The following CACNA2D1 variants were observed in gnomAD, a reference collection of about 807,000 sequenced individuals.
The protein encoded by CACNA2D1 is calcium voltage-gated channel auxiliary subunit alpha2delta 1, also known as voltage-dependent calcium channel subunit alpha-2/delta-1.
A neutral mutation model predicts 171.5 loss-of-function variants in CACNA2D1; 53 were observed. The ratio of observed to expected loss-of-function variants is 0.31; its 90% CI spans 0.25 to 0.39. The LOEUF is 0.39. CACNA2D1 is among the 10% of genes least tolerant of loss of function. The pLI is 1.00. For missense variants in CACNA2D1, 903 were observed against 1,299.8 expected (o/e 0.69, Z 4.69); for synonymous variants, 442 against 443.1 (o/e 1.00, Z 0.03).
At chr7:82,217,247 G>A (rs1166113344) in intron 3 of CACNA2D1, among the ~76,000 whole-genome samples, 1 of 151,324 alleles carries the variant, frequency 6.6e-6, no homozygotes, top group Non-Finnish European at 1.5e-5. Context: ...ACAGTATCCT[G>A]AAGCTGTAAG....
At chr7:82,140,597 G>A (rs985785323) in intron 4 of CACNA2D1, among the ~76,000 whole-genome samples, 4 of 151,940 alleles carry the variant, frequency 2.6e-5, no homozygotes, top group African/African-American at 9.7e-5. Flanking sequence ...TATTCAAAGA[G>A]CACTTAATTT....
At chr7:82,118,127 G>A (rs879679818) in intron 5 of CACNA2D1, among the ~76,000 whole-genome samples, 7 of 152,120 alleles carry the variant, frequency 4.6e-5, no homozygotes, top group Admixed American at 4.6e-4. Flanking sequence ...CTTGAGGCAG[G>A]AATGAAGATC....
chr7:82,260,585 T>C (rs1806937990), intron 3 of CACNA2D1, among the ~76,000 whole-genome samples: 1 of 152,192 alleles, frequency 6.6e-6, no homozygotes, highest in Admixed American at 6.5e-5. Flanking sequence ...TGGTAAAATT[T>C]CAGTAAGAGT....
chr7:81,978,242 T>C (rs555140822), intron 24 of CACNA2D1, among the ~76,000 whole-genome samples: 1 of 152,176 alleles, frequency 6.6e-6, no homozygotes, highest in Non-Finnish European at 1.5e-5. Flanking sequence ...ACTGGGTATA[T>C]ACCCAAAGGA....
At chr7:82,336,266 C>T (rs1817986261) in intron 2 of CACNA2D1, among the ~76,000 whole-genome samples, 1 of 152,196 alleles carries the variant, frequency 6.6e-6, no homozygotes, top group African/African-American at 2.4e-5. Context: ...AGTATGATCC[C>T]AGCTGCGCAC....
intron 3 of CACNA2D1, among the ~76,000 whole-genome samples, chr7:82,233,595 A>G (rs1474568316): frequency 6.6e-6 from 1 of 152,142 alleles, no homozygotes; most frequent in Non-Finnish European, 1.5e-5. Context: ...GAAGTACACC[A>G]GATGAAAATA....
At chr7:81,951,970 T>TTG (rs1554321661) in intron 38 of CACNA2D1, among the ~76,000 whole-genome samples, 5 of 23,960 alleles carry the variant, frequency 2.1e-4, no homozygotes, top group African/African-American at 8.5e-4. Flanking sequence ...GTACAAAGTG[T>TTG]TTTTTTTTTT....
At chr7:82,225,860 T>C (rs1404997256) in intron 3 of CACNA2D1, among the ~76,000 whole-genome samples, 1 of 152,204 alleles carries the variant, frequency 6.6e-6, no homozygotes, top group African/African-American at 2.4e-5. Context: ...TGAATATCAA[T>C]GCATATTAAT....
chr7:82,207,780 C>A (rs950498684), intron 3 of CACNA2D1, among the ~76,000 whole-genome samples: 2 of 152,142 alleles, frequency 1.3e-5, no homozygotes, highest in Non-Finnish European at 2.9e-5. Flanking sequence ...GAAGCAACAA[C>A]AATATGCCCA....
chr7:82,215,583 G>A (rs1801016364), intron 3 of CACNA2D1, among the ~76,000 whole-genome samples: 1 of 152,162 alleles, frequency 6.6e-6, no homozygotes, highest in East Asian at 1.9e-4. Context: ...AAGCTCTAAT[G>A]TAGGTCATGT....
intron 1 of CACNA2D1, among the ~76,000 whole-genome samples, chr7:82,391,691 C>T (rs754932451): frequency 3.9e-5 from 6 of 151,990 alleles, no homozygotes; most frequent in African/African-American, 4.8e-5. Flanking sequence ...TCCCATGTGA[C>T]GGAATTTAAA....
At chr7:81,978,721 C>A in intron 24 of CACNA2D1, among the ~76,000 whole-genome samples, 1 of 145,884 alleles carries the variant, frequency 6.9e-6, no homozygotes, top group African/African-American at 2.6e-5. Context: ...CACATGTATC[C>A]CAGAAGTTAA....
intron 1 of CACNA2D1, among the ~76,000 whole-genome samples, chr7:82,382,395 C>T (rs1248729167): frequency 1.3e-5 from 2 of 152,162 alleles, no homozygotes; most frequent in Non-Finnish European, 1.5e-5. Context: ...TGAAGTCATT[C>T]CCAGATTAGT....
intron 1 of CACNA2D1, among the ~76,000 whole-genome samples, chr7:82,431,259 C>G (rs1430772718): frequency 2.6e-5 from 4 of 152,144 alleles, no homozygotes; most frequent in Non-Finnish European, 4.4e-5. Context: ...TATATTAGCA[C>G]AATAATCTAG....
intron 3 of CACNA2D1, among the ~76,000 whole-genome samples, chr7:82,175,132 T>C (rs1230863056): frequency 6.6e-6 from 1 of 151,962 alleles, no homozygotes; most frequent in African/African-American, 2.4e-5. Flanking sequence ...AAGTTAAAGA[T>C]AAAATTTGCT....
At chr7:82,099,926 G>C (rs1273985366) in intron 6 of CACNA2D1, among the ~76,000 whole-genome samples, 3 of 152,094 alleles carry the variant, frequency 2.0e-5, no homozygotes, top group African/African-American at 7.2e-5. Context: ...CACACACTGA[G>C]GCCTGTCAGG....
intron 1 of CACNA2D1, among the ~76,000 whole-genome samples, chr7:82,355,215 G>A (rs996024566): frequency 9.2e-5 from 14 of 152,196 alleles, no homozygotes; most frequent in African/African-American, 3.4e-4. Flanking sequence ...AAGTTTAATA[G>A]TTTGAAAATC....
At chr7:82,221,121 C>A (rs1247062638) in intron 3 of CACNA2D1, among the ~76,000 whole-genome samples, 1 of 152,126 alleles carries the variant, frequency 6.6e-6, no homozygotes, top group Non-Finnish European at 1.5e-5. Context: ...AATGTGGAAT[C>A]TTAAATCCGA....
chr7:82,152,136 GATTA>G (rs1180774334), intron 4 of CACNA2D1, among the ~76,000 whole-genome samples: 2 of 151,858 alleles, frequency 1.3e-5, no homozygotes, highest in Admixed American at 6.6e-5. Context: ...TCCTAAAAAT[GATTA>G]ATCAATGCTT....
Sources: allele counts gnomAD v4.1 joint callset (sites outside exome capture counted in the v4.1 genomes callset), GRCh38; gene constraint gnomAD v4.1.1; transcripts MANE v1.5; gene names NCBI Gene and HGNC (gene_info 2026-07-23, HGNC 2026-07-21).